Variants in NMNAT1 observed in about 807,000 individuals in gnomAD.
NMNAT1 encodes nicotinamide/nicotinic acid mononucleotide adenylyltransferase 1.
In NMNAT1, 11 loss-of-function variants were observed where a neutral mutation model predicts 16.7. That is an observed-to-expected ratio of 0.66 (90% CI 0.41 to 1.09). The LOEUF (loss-of-function observed/expected upper bound fraction) is 1.09. Among genes scored for constraint, NMNAT1 ranks in the 50% least tolerant of loss-of-function variants. NMNAT1 has a pLI of 0.00. For synonymous variants in NMNAT1, 110 were observed against 119.8 expected (o/e 0.92, Z 0.53); for missense variants, 280 against 332.3 (o/e 0.84, Z 1.22).
chr1:9,960,306 CA>C (rs1247120131), intron 1 of NMNAT1, among the ~76,000 whole-genome samples: 1 of 147,332 alleles, frequency 6.8e-6, no homozygotes, highest in Non-Finnish European at 1.5e-5. Flanking sequence ...AAAACAAAAA[CA>C]AAAAAACCCT....
chr1:9,981,326 C>G (rs781003597), intron 4 of NMNAT1, 156 bp downstream of exon 4: 2 of 1,230,298 alleles, frequency 1.6e-6, no homozygotes, highest in Non-Finnish European at 2.2e-6. Context: ...GCTCTGCCTC[C>G]TGGGTTCATG....
At chr1:9,954,709 G>T (rs1183811617) in intron 1 of NMNAT1, among the ~76,000 whole-genome samples, 1 of 151,866 alleles carries the variant, frequency 6.6e-6, no homozygotes, top group Non-Finnish European at 1.5e-5. Flanking sequence ...GAGGTGGGTG[G>T]ATCACAAGGT....
At chr1:9,992,478 G>C in the NMNAT1 span, among the ~76,000 whole-genome samples, 2 of 152,056 alleles carry the variant, frequency 1.3e-5, no homozygotes, top group Admixed American at 6.6e-5. Flanking sequence ...AGTTTACCAG[G>C]GGCTTTTCCA....
At chr1:9,994,101 CTTTTTTTTTTTTTTTTT>C in the NMNAT1 span, among the ~76,000 whole-genome samples, 1 of 106,204 alleles carries the variant, frequency 9.4e-6, no homozygotes, top group Non-Finnish European at 1.8e-5. Context: ...CAAATGTTAG[CTTTTTTTTTTTTTTTTT>C]TTTTTTTTTT....
At chr1:9,985,595 A>G (rs1347691178), downstream of NMNAT1, 3 of 152,240 alleles carry the variant, frequency 2.0e-5, no homozygotes, top group Admixed American at 2.0e-4. Context: ...TTGGAACTAG[A>G]ACAGTGGAAT....
chr1:9,976,297 A>AG (rs1383635205), intron 3 of NMNAT1, among the ~76,000 whole-genome samples: 6 of 152,008 alleles, frequency 3.9e-5, no homozygotes, highest in African/African-American at 1.4e-4. Flanking sequence ...AAAAAAAAAA[A>AG]AAAAAAAAGA....
At chr1:9,960,076 G>A (rs990308660) in intron 1 of NMNAT1, among the ~76,000 whole-genome samples, 1 of 152,128 alleles carries the variant, frequency 6.6e-6, no homozygotes, top group Non-Finnish European at 1.5e-5. Context: ...ATATGCGATA[G>A]GGAAAGCCAA....
Position 9,981,049 on chromosome 1 carries a change from G to A in NMNAT1, c.318G>A (p.Leu106=), listed in dbSNP as rs769846054. ...LKVLRHHQEK[L]EASDCDHQQN... ...TTTATAGACACCATCAAGAGAAATTGGAGGCTAGTGACTGTGATCACCAGC... is the reference window on the plus strand; with the variant it reads ...TTTATAGACACCATCAAGAGAAATTAGAGGCTAGTGACTGTGATCACCAGC... Residue 106 remains leucine (L), a synonymous_variant, in exon 4 of 5, where the codon TTG becomes TTA. Coordinates refer to ENST00000377205, the MANE Select transcript of NMNAT1 (RefSeq NM_022787.4). 3 of 1,607,394 alleles carry A rather than the reference G, an allele frequency of 1.9e-6. No individual in the cohort carries two copies. The South Asian group carries it at 3.3e-5, about 18-fold the overall frequency.
rs985752199 is a variant in NMNAT1 at position 9,972,349 on chromosome 1, A to C, written c.115+161A>C. ...CATGGTAAAACCCTGTCTCTACTAA[A>C]AAATACGAAAATTCACTGTGCCTGT... On this transcript the variant is annotated intron_variant, in intron 2 of 4. Transcript: ENST00000377205. 5.6e-6 allele frequency: 3 copies of C among 534,046 alleles called. No individual in the cohort carries two copies. The Admixed American group carries it at 1.0e-4, about 18-fold the overall frequency. 33.1% of individuals were successfully genotyped at this position (534,046 alleles called of 1,614,324 possible).
At chr1:9,993,671 A>T in the NMNAT1 span, among the ~76,000 whole-genome samples, 1 of 152,090 alleles carries the variant, frequency 6.6e-6, no homozygotes, top group African/African-American at 2.4e-5. Flanking sequence ...GATGATGGGG[A>T]CTTGGGTTAA....
At chr1:9,955,767 C>T (rs1641244130) in intron 1 of NMNAT1, 1 of 152,034 alleles carries the variant, frequency 6.6e-6, no homozygotes, top group African/African-American at 2.4e-5. Flanking sequence ...CAGTGTCTGG[C>T]TACTATTTGT....
At chr1:9,989,102 G>T (rs1245278886), downstream of NMNAT1, among the ~76,000 whole-genome samples, 1 of 152,054 alleles carries the variant, frequency 6.6e-6, no homozygotes, top group East Asian at 1.9e-4. Context: ...TTACATCCCT[G>T]TTTGCCCTCT....
At chr1:9,988,123 G>C (rs56023734), downstream of NMNAT1, among the ~76,000 whole-genome samples, 1 of 151,772 alleles carries the variant, frequency 6.6e-6, no homozygotes, top group Admixed American at 6.6e-5. Flanking sequence ...TCAGCTTCCC[G>C]AGTAGCTGGG....
chr1:9,992,085 A>AG, the NMNAT1 span, among the ~76,000 whole-genome samples: 1 of 84,192 alleles, frequency 1.2e-5, no homozygotes. Context: ...CTTTAGGTTT[A>AG]GATTTTTTTT....
chr1:9,994,539 T>C, the NMNAT1 span, among the ~76,000 whole-genome samples: 3 of 151,716 alleles, frequency 2.0e-5, no homozygotes, highest in Non-Finnish European at 4.4e-5. Flanking sequence ...CAAGCGATTC[T>C]CCTGCCTCAG....
intron 1 of NMNAT1, among the ~76,000 whole-genome samples, chr1:9,958,206 A>G (rs1479935311): frequency 6.6e-6 from 1 of 152,174 alleles, no homozygotes; most frequent in Non-Finnish European, 1.5e-5. Context: ...AGCTTCCAGA[A>G]AACAAATTCA....
intron 1 of NMNAT1, chr1:9,951,181 C>CTGG (rs1193644927): frequency 6.6e-6 from 1 of 151,820 alleles, no homozygotes; most frequent in Non-Finnish European, 1.5e-5. Flanking sequence ...CCTCGAAGGA[C>CTGG]TGGTAAGCCT....
chr1:9,993,119 C>T, the NMNAT1 span, among the ~76,000 whole-genome samples: 1 of 151,888 alleles, frequency 6.6e-6, no homozygotes, highest in African/African-American at 2.4e-5. Flanking sequence ...GAGGAGTAGC[C>T]AGGAGCCAAA....
downstream of NMNAT1, among the ~76,000 whole-genome samples, chr1:9,989,829 A>G (rs1642088422): frequency 2.0e-5 from 3 of 152,214 alleles, no homozygotes; most frequent in South Asian, 4.1e-4. Context: ...AGCTGTCCAC[A>G]GCAAAGCTAA....
Sources: gnomAD v4.1 joint callset for allele counts (sites outside exome capture counted in the v4.1 genomes callset) on GRCh38, gnomAD v4.1.1 for gene constraint, MANE v1.5 for transcripts, NCBI Gene and HGNC (gene_info 2026-07-23, HGNC 2026-07-21) for gene names.